WDR20: variants seen among roughly 807,000 people sequenced by gnomAD.
The protein encoded by WDR20 is WD repeat-containing protein 20.
In WDR20, 3 loss-of-function variants were observed where a neutral mutation model predicts 38.7. That is an observed-to-expected ratio of 0.08 (90% CI 0.04 to 0.20). The LOEUF is 0.20. Among genes scored for constraint, WDR20 ranks in the 10% least tolerant of loss-of-function variants. The probability of loss-of-function intolerance (pLI) is 1.00; values close to 1 mark genes in which losing one functional copy is unlikely to be tolerated. For synonymous variants in WDR20, 298 were observed against 285.6 expected (o/e 1.04, Z -0.44); for missense variants, 559 against 727.7 (o/e 0.77, Z 2.67).
chr14:102,186,675 G>A (rs1385787236), intron 1 of WDR20, among the ~76,000 whole-genome samples: 1 of 152,034 alleles, frequency 6.6e-6, no homozygotes, highest in Non-Finnish European at 1.5e-5. Flanking sequence ...CCAAGGGCCG[G>A]GCGCAGTGGC....
At chr14:102,186,862 AT>A (rs2064913809) in intron 1 of WDR20, among the ~76,000 whole-genome samples, 1 of 152,050 alleles carries the variant, frequency 6.6e-6, no homozygotes, top group East Asian at 1.9e-4. Flanking sequence ...AGGCAGGAGA[AT>A]GGCGTGAACC....
chr14:102,182,685 TA>T (rs1288003087), intron 1 of WDR20, among the ~76,000 whole-genome samples: 4 of 151,800 alleles, frequency 2.6e-5, no homozygotes, highest in African/African-American at 9.7e-5. Flanking sequence ...TTTTTTTGGT[TA>T]TTTTTTTCTA....
At chr14:102,149,547 G>C (rs946362604) in intron 1 of WDR20, among the ~76,000 whole-genome samples, 1 of 152,148 alleles carries the variant, frequency 6.6e-6, no homozygotes, top group African/African-American at 2.4e-5. Context: ...TTGTTGCCTT[G>C]TATTTCTAAT....
At chr14:102,195,715 G>A (rs568413552) in intron 2 of WDR20, among the ~76,000 whole-genome samples, 9 of 152,364 alleles carry the variant, frequency 5.9e-5, no homozygotes, top group Non-Finnish European at 1.3e-4. Flanking sequence ...TCTGGAAAGA[G>A]CCTGAGATAT....
chr14:102,193,521 C>G, intron 1 of WDR20: 1 of 1,612,810 alleles, frequency 6.2e-7, no homozygotes, highest in Non-Finnish European at 8.5e-7. Context: ...TGAGGTGAGG[C>G]TGGGAGAGTG....
At chr14:102,212,351 C>T (rs1332153203), downstream of WDR20, among the ~76,000 whole-genome samples, 1 of 152,210 alleles carries the variant, frequency 6.6e-6, no homozygotes, top group African/African-American at 2.4e-5. Flanking sequence ...CCCAAGGCCC[C>T]TCTTGCTGGG....
chr14:102,140,590 G>T (rs1259229996), intron 1 of WDR20, among the ~76,000 whole-genome samples: 1 of 152,130 alleles, frequency 6.6e-6, no homozygotes, highest in Non-Finnish European at 1.5e-5. Context: ...GAACAGGGAC[G>T]CAAGACGGCT....
intron 1 of WDR20, among the ~76,000 whole-genome samples, chr14:102,162,840 G>T (rs979246981): frequency 2.6e-5 from 4 of 152,056 alleles, no homozygotes; most frequent in African/African-American, 9.7e-5. Flanking sequence ...TTGAATTACT[G>T]GACTCAAGGT....
chr14:102,218,256 G>A (rs968522732), downstream of WDR20, among the ~76,000 whole-genome samples: 7 of 152,246 alleles, frequency 4.6e-5, no homozygotes, highest in African/African-American at 1.7e-4. Context: ...AGGTGGATGA[G>A]GGATGAGCTG....
chr14:102,212,703 C>T (rs570738886), downstream of WDR20: 37 of 1,487,696 alleles, frequency 2.5e-5, no homozygotes, highest in African/African-American at 8.3e-5. Context: ...GAGGGGTGGC[C>T]GCGGTGGTTC....
At chr14:102,159,461 C>T (rs1298080416) in intron 1 of WDR20, among the ~76,000 whole-genome samples, 1 of 152,184 alleles carries the variant, frequency 6.6e-6, no homozygotes, top group Middle Eastern at 3.2e-3. Flanking sequence ...TAAGACAATC[C>T]TCAAGTGTTT....
chr14:102,209,399 C>T lies in WDR20; in HGVS notation c.1229C>T (p.Pro410Leu), dbSNP rs118094356. The change falls in exon 3 of 3, where the codon CCT becomes CTT. Residue 410 changes from proline to leucine, a missense_variant. Coordinates refer to ENST00000342702, the MANE Select transcript of WDR20 (RefSeq NM_144574.4). The surrounding 1 kb of genome is among the most constrained non-coding windows in gnomAD (Gnocchi z 6.0). ...HTNVMNATSP[P>L]AGSNGNSVTT... is the part of the protein sequence containing the mutation. ...AATGTCATGAATGCCACGAGTCCTC[C>T]TGCTGGAAGCAATGGGAACAGTGTT... 279 of 1,614,172 alleles carry T rather than the reference C, an allele frequency of 1.7e-4. 3 individuals carry two copies. In the East Asian group the frequency reaches 4.9e-3, roughly 28 times the overall value.
At position 102,208,831 on chromosome 14, in the gene WDR20, G is replaced by A; in HGVS notation, c.661G>A (p.Gly221Arg). Residue 221 changes from glycine to arginine, a missense_variant, in exon 3 of 3, where the codon GGG becomes AGG. Gly to Arg is a moderately radical substitution (Grantham distance 125). Transcript: ENST00000342702. This position sits in a 1 kb window ranked among gnomAD's most constrained non-coding sequence, Gnocchi z 5.6. The part of the protein sequence containing the change: ...NPLLKWTVGE[G>R]ALNEFAFSPD... ...TCTCCTTAAGTGGACGGTGGGCGAG[G>A]GGGCCCTCAACGAGTTTGCTTTCTC... The A allele has an allele frequency of 6.2e-7, 1 of 1,614,224 alleles. No homozygotes were observed. Among genetic ancestry groups the A allele is most frequent in the Non-Finnish European group, 8.5e-7 (1 of 1,180,050 alleles).
intron 1 of WDR20, among the ~76,000 whole-genome samples, chr14:102,144,330 A>G (rs2052734168): frequency 6.6e-6 from 1 of 151,944 alleles, no homozygotes; most frequent in Non-Finnish European, 1.5e-5. Context: ...TAAAAATACA[A>G]AATTAGCTGG....
At chr14:102,197,632 C>T (rs1034779734) in intron 2 of WDR20, 2 of 588,106 alleles carry the variant, frequency 3.4e-6, no homozygotes, top group Non-Finnish European at 6.1e-6. Context: ...TAAATTGGAA[C>T]CAGCTTGTCT....
downstream of WDR20, among the ~76,000 whole-genome samples, chr14:102,215,474 T>C (rs1267061522): frequency 2.0e-5 from 3 of 152,176 alleles, no homozygotes; most frequent in African/African-American, 7.2e-5. Flanking sequence ...TTTATTTTGC[T>C]GTAAGTTCTG....
At chr14:102,157,695 G>A (rs966087747) in intron 1 of WDR20, among the ~76,000 whole-genome samples, 1 of 152,058 alleles carries the variant, frequency 6.6e-6, no homozygotes, top group African/African-American at 2.4e-5. Context: ...GAAAGGGGAG[G>A]GGATTCTAAA....
At chr14:102,214,617 T>G (rs578095740), downstream of WDR20, 38 of 985,262 alleles carry the variant, frequency 3.9e-5, no homozygotes, top group Admixed American at 1.8e-3. Context: ...TACTTGAGTT[T>G]ATTAGAGATT....
Position 102,220,506 on chromosome 14 carries a change from G to A in WDR20, c.1693-2324G>A, listed in dbSNP as rs148599805. Among the ~76,000 whole-genome samples, 844 of 152,178 alleles carry A rather than the reference G, an allele frequency of 5.5e-3. 18 individuals are homozygous for A. The highest frequency in any genetic ancestry group is 0.034 in the East Asian group (178 of 5,176). On this transcript the variant is annotated intron_variant, in intron 3 of 3. Coordinates refer to the WDR20 transcript ENST00000335263. The surrounding 1 kb of genome is among the most constrained non-coding windows in gnomAD (Gnocchi z 4.2). ...TGGGAGGCCAAGGCAGGTGGATCAC[G>A]AGGTCAGGAGGTCTTCAAGACCATC...
Sources: gnomAD v4.1 joint callset for allele counts (sites outside exome capture counted in the v4.1 genomes callset) on GRCh38, gnomAD v4.1.1 for gene constraint, Gnocchi (gnomAD v3.1) non-coding constraint, MANE v1.5 for transcripts, NCBI Gene and HGNC (gene_info 2026-07-23, HGNC 2026-07-21) for gene names.